Variants in PAH observed in about 807,000 individuals in gnomAD.
PAH encodes the protein phenylalanine-4-hydroxylase.
PAH carries 64 observed loss-of-function variants against 62.0 expected under a neutral mutation model. The observed-to-expected ratio is 1.03, with a 90% confidence interval of 0.84 to 1.27. The LOEUF (loss-of-function observed/expected upper bound fraction) is 1.27. Ranked by LOEUF, PAH falls within the 50% of genes most tolerant of loss-of-function variation. PAH has a pLI of 0.00. For synonymous variants in PAH, 195 were observed against 196.2 expected, an observed-to-expected ratio of 0.99 and a Z score of 0.05; for missense variants, 579 against 542.8, an observed-to-expected ratio of 1.07 and a Z score of -0.66.
In PAH at chr12:102,877,544, CA is replaced by C; in HGVS notation, c.358del (p.Trp120GlyfsTer75). The C allele has an allele frequency of 6.2e-7, 1 of 1,613,712 alleles. No homozygotes were observed. On this transcript the variant is annotated frameshift_variant, in exon 4 of 13. Coordinates refer to ENST00000553106, the MANE Select transcript of PAH (RefSeq NM_000277.3). LOFTEE classifies it high-confidence loss of function. ...SRDKKKDTVP[W>X]FPRTIQELDR... ...CAGCTCTTGAATGGTTCTTGGGAAC[CA>C]GGGCACTGAAACACAGAGAAGGCAA...
intron 5 of PAH, among the ~76,000 whole-genome samples, chr12:102,863,441 G>C (rs73389559): frequency 0.03 from 4,617 of 152,202 alleles, 251 homozygotes; most frequent in African/African-American, 0.1. Flanking sequence ...GGTGAGGAGA[G>C]ACTCCACTCC....
intron 2 of PAH, among the ~76,000 whole-genome samples, chr12:102,895,564 A>T (rs1009986761): frequency 9.9e-5 from 15 of 152,254 alleles, no homozygotes; most frequent in African/African-American, 3.6e-4. Flanking sequence ...ATATTTATAT[A>T]GGCCTGGCGC....
chr12:102,904,473 C>T (rs934348331), intron 2 of PAH, among the ~76,000 whole-genome samples: 2 of 152,156 alleles, frequency 1.3e-5, no homozygotes, highest in African/African-American at 4.8e-5. Flanking sequence ...AGGTTTCCTC[C>T]CTACAGAACT....
At chr12:102,865,866 C>T (rs1161685921) in intron 5 of PAH, among the ~76,000 whole-genome samples, 1 of 152,178 alleles carries the variant, frequency 6.6e-6, no homozygotes, top group East Asian at 1.9e-4. Context: ...ATGCCATGAG[C>T]ATTCTGGACA....
intron 2 of PAH, among the ~76,000 whole-genome samples, chr12:102,908,553 G>A (rs543404191): frequency 1.3e-5 from 2 of 151,996 alleles, no homozygotes; most frequent in South Asian, 4.2e-4. Context: ...TCCTCCCCCA[G>A]GTTTAATTTT....
chr12:102,907,775 C>A (rs920106017), intron 2 of PAH, among the ~76,000 whole-genome samples: 1 of 152,096 alleles, frequency 6.6e-6, no homozygotes, highest in East Asian at 1.9e-4. Context: ...TGCGCCATCA[C>A]GCCCAGATAA....
At position 102,917,200 on chromosome 12, in the gene PAH, GT is replaced by G. The variant is rs1221435279; in HGVS notation, c.-71del. 9 of 1,399,008 alleles carry G rather than the reference GT, an allele frequency of 6.4e-6. No homozygotes were observed. The highest frequency in any genetic ancestry group is 9.1e-6 in the Non-Finnish European group (9 of 985,776). The allele number at this position is 1,399,008 out of a possible 1,614,324, so 86.7% of individuals were successfully genotyped here. ...GTACAGGCAGGTTTGCAAACAGCACGTGGGGCTGAAGGTTTTAACCTCGCAC... is the reference window on the plus strand; with the variant it reads ...GTACAGGCAGGTTTGCAAACAGCACGGGGGCTGAAGGTTTTAACCTCGCAC... On this transcript the variant is annotated 5_prime_UTR_variant, in exon 1 of 13. Transcript: ENST00000553106.
At chr12:102,922,069 T>C (rs921519393), upstream of PAH, among the ~76,000 whole-genome samples, 8 of 152,140 alleles carry the variant, frequency 5.3e-5, no homozygotes, top group East Asian at 1.5e-3. Context: ...TCTCCAAAGA[T>C]AACCAATGTT....
At chr12:102,865,068 C>CG in intron 5 of PAH, among the ~76,000 whole-genome samples, 2 of 152,252 alleles carry the variant, frequency 1.3e-5, no homozygotes, top group South Asian at 4.1e-4. Flanking sequence ...GAGAGTCCAG[C>CG]TATCTATAGA....
At chr12:102,903,027 T>G (rs2136713186) in intron 2 of PAH, among the ~76,000 whole-genome samples, 1 of 152,310 alleles carries the variant, frequency 6.6e-6, no homozygotes, top group Non-Finnish European at 1.5e-5. Context: ...TTTGTGTTTC[T>G]TTTCCTATAC....
intron 4 of PAH, among the ~76,000 whole-genome samples, chr12:102,872,331 C>A (rs1199551342): frequency 6.6e-6 from 1 of 152,150 alleles, no homozygotes; most frequent in Non-Finnish European, 1.5e-5. Context: ...ATCTTTTCTG[C>A]ACTATCTTTG....
In PAH at chr12:102,861,383, G is replaced by T. The variant is rs374373268; in HGVS notation, c.509+5213C>A. Among the ~76,000 whole-genome samples the T allele has an allele frequency of 8.1e-4, 123 of 152,282 alleles. No individual in the cohort carries two copies. In the South Asian group the frequency reaches 0.024, roughly 29 times the overall value. ...TAGGAACACTTTTATACTGTTGGTG[G>T]GACTGTAAACTGGTTCAACCATTGT... On this transcript the variant is annotated intron_variant, in intron 5 of 12. Coordinates refer to ENST00000553106, the MANE Select transcript of PAH (RefSeq NM_000277.3).
chr12:102,872,953 A>C (rs928196374), intron 4 of PAH, among the ~76,000 whole-genome samples: 1 of 152,188 alleles, frequency 6.6e-6, no homozygotes, highest in East Asian at 1.9e-4. Flanking sequence ...GGGCAGCAAG[A>C]GTGAAACTCC....
intron 5 of PAH, among the ~76,000 whole-genome samples, chr12:102,859,309 C>A (rs1160930929): frequency 6.6e-6 from 1 of 152,102 alleles, no homozygotes; most frequent in East Asian, 1.9e-4. Flanking sequence ...CAATAACAGG[C>A]TCTGAAATTG....
chr12:102,839,184 T>C lies in PAH; in HGVS notation c.1350A>G (p.Lys450=). The change falls in exon 13 of 13, where the codon AAA becomes AAG. Residue 450 remains lysine (K), a synonymous_variant. Transcript: ENST00000553106. The stretch of plus-strand genomic sequence containing the variant: ...CATTCTGTCCATGGCTTTACTTTAT[T>C]TTCTGGAGGGCACTGCAAAGGATTC... The part of the protein sequence containing the change: ...EIGILCSALQ[K]IK 1 of 1,613,826 alleles carries C rather than the reference T, an allele frequency of 6.2e-7. No individual in the cohort carries two copies. The highest frequency in any genetic ancestry group is 8.5e-7 in the Non-Finnish European group (1 of 1,179,778).
intron 3 of PAH, among the ~76,000 whole-genome samples, chr12:102,879,027 G>A (rs952996569): frequency 9.2e-5 from 14 of 152,080 alleles, no homozygotes; most frequent in African/African-American, 2.9e-4. Context: ...AAATGAGGTC[G>A]AGGGGAAGAT....
chr12:102,895,869 A>AAAAAAAAATATATATAT (rs953209518), intron 2 of PAH, among the ~76,000 whole-genome samples: 4 of 118,744 alleles, frequency 3.4e-5, no homozygotes, highest in African/African-American at 1.1e-4. Flanking sequence ...AAAAAAAAAA[A>AAAAAAAAATATATATAT]ATATATATAT....
At chr12:102,943,364 A>G (rs935242560) in intron 1 of PAH, among the ~76,000 whole-genome samples, 1 of 152,186 alleles carries the variant, frequency 6.6e-6, no homozygotes, top group Non-Finnish European at 1.5e-5. Context: ...CAAAACCACA[A>G]TGAGATACCA....
At chr12:102,907,719 A>G (rs1878031858) in intron 2 of PAH, among the ~76,000 whole-genome samples, 1 of 151,956 alleles carries the variant, frequency 6.6e-6, no homozygotes, top group Non-Finnish European at 1.5e-5. Flanking sequence ...CCTGGGTTCA[A>G]GCAATTCTCA....
Sources: gnomAD v4.1 joint callset for allele counts (sites outside exome capture counted in the v4.1 genomes callset) on GRCh38, gnomAD v4.1.1 for gene constraint, MANE v1.5 for transcripts, NCBI Gene and HGNC (gene_info 2026-07-23, HGNC 2026-07-21) for gene names.